The following KCNQ5 variants were observed in gnomAD, a reference collection of about 807,000 sequenced individuals.
KCNQ5 encodes potassium voltage-gated channel subfamily KQT member 5.
KCNQ5 carries 30 observed loss-of-function variants against 98.2 expected under a neutral mutation model. The ratio of observed to expected loss-of-function variants is 0.31; its 90% CI spans 0.23 to 0.41. The LOEUF (loss-of-function observed/expected upper bound fraction) is 0.41, where lower values mean the gene tolerates loss of function less well. KCNQ5 is among the 10% of genes least tolerant of loss of function. KCNQ5 has a pLI of 1.00. For synonymous variants in KCNQ5, 458 were observed against 449.4 expected (o/e 1.02, Z -0.24); for missense variants, 835 against 1,182.5 (o/e 0.71, Z 4.31).
chr6:73,130,540 T>A (rs894760806), intron 9 of KCNQ5, among the ~76,000 whole-genome samples: 6 of 152,202 alleles, frequency 3.9e-5, no homozygotes, highest in Non-Finnish European at 7.3e-5. Context: ...TCCTTGGCAT[T>A]CTTCCTAAAA....
At chr6:72,856,445 TACACACACACACACACACACATATATAC>T (rs1481234474) in intron 1 of KCNQ5, among the ~76,000 whole-genome samples, 1 of 129,732 alleles carries the variant, frequency 7.7e-6, no homozygotes, top group Non-Finnish European at 1.6e-5. Context: ...TATGTATACA[TACACACACACACACACACACATATATAC>T]ACACACACAC....
At chr6:72,775,183 T>G (rs1467503604) in intron 1 of KCNQ5, among the ~76,000 whole-genome samples, 1 of 152,156 alleles carries the variant, frequency 6.6e-6, no homozygotes, top group Non-Finnish European at 1.5e-5. Context: ...TTACATAATA[T>G]GCATTCATAC....
At chr6:72,777,440 T>G (rs1413218957) in intron 1 of KCNQ5, among the ~76,000 whole-genome samples, 2 of 152,106 alleles carry the variant, frequency 1.3e-5, no homozygotes, top group Non-Finnish European at 2.9e-5. Flanking sequence ...TTGAAGGTGT[T>G]GGCCGAGGAG....
At chr6:72,931,683 C>T (rs1179617782) in intron 1 of KCNQ5, among the ~76,000 whole-genome samples, 1 of 152,088 alleles carries the variant, frequency 6.6e-6, no homozygotes, top group Non-Finnish European at 1.5e-5. Flanking sequence ...GAAGTGGAAG[C>T]GAAGTGAGGC....
At chr6:72,825,628 C>G (rs567560164) in intron 1 of KCNQ5, among the ~76,000 whole-genome samples, 4 of 152,232 alleles carry the variant, frequency 2.6e-5, no homozygotes, top group African/African-American at 9.6e-5. Flanking sequence ...TAGGTGGGAC[C>G]TATACTATGC....
intron 1 of KCNQ5, among the ~76,000 whole-genome samples, chr6:72,867,443 A>G (rs552601610): frequency 6.6e-6 from 1 of 152,356 alleles, no homozygotes; most frequent in East Asian, 1.9e-4. Context: ...CACATTGGTG[A>G]AACCAACCTG....
intron 1 of KCNQ5, among the ~76,000 whole-genome samples, chr6:72,726,303 C>G (rs1157967330): frequency 1.3e-5 from 2 of 151,376 alleles, no homozygotes; most frequent in Admixed American, 6.6e-5. Flanking sequence ...CTCCACCTCC[C>G]GGGTTCAAGA....
chr6:72,870,665 T>G (rs1465642856), intron 1 of KCNQ5, among the ~76,000 whole-genome samples: 1 of 152,224 alleles, frequency 6.6e-6, no homozygotes, highest in East Asian at 1.9e-4. Flanking sequence ...AAGCCACTCA[T>G]TTTTTAAACT....
At chr6:73,174,330 A>C (rs889264783) in intron 11 of KCNQ5, among the ~76,000 whole-genome samples, 1 of 152,188 alleles carries the variant, frequency 6.6e-6, no homozygotes, top group South Asian at 2.1e-4. Flanking sequence ...GAATCAAAAT[A>C]CTGTGAAACC....
At chr6:72,912,864 A>G (rs1779995378) in intron 1 of KCNQ5, among the ~76,000 whole-genome samples, 1 of 152,154 alleles carries the variant, frequency 6.6e-6, no homozygotes, top group Non-Finnish European at 1.5e-5. Flanking sequence ...TACTTGGAAG[A>G]CTTTATTAAC....
At position 72,905,802 on chromosome 6, in the gene KCNQ5, AG is replaced by A. The variant is rs551496325; in HGVS notation, c.399-98100del. Among the ~76,000 whole-genome samples, 398 of 152,214 alleles carry A rather than the reference AG, an allele frequency of 2.6e-3. 2 individuals are homozygous for A. Among genetic ancestry groups the A allele is most frequent in the African/African-American group, 9.0e-3 (374 of 41,520 alleles). On this transcript the variant is annotated intron_variant, in intron 1 of 13. Transcript: ENST00000370398. The stretch of plus-strand genomic sequence containing the variant: ...CAGCACCTGTTCCAGTAGAGGTGTC[AG>A]GGGGGTGAAATGGACTCTATGCTCG...
chr6:72,670,299 C>G (rs746364448), intron 1 of KCNQ5, among the ~76,000 whole-genome samples: 6 of 152,182 alleles, frequency 3.9e-5, no homozygotes, highest in African/African-American at 7.2e-5. Context: ...AGCCTTCTCT[C>G]CAGCTCTCCT....
In KCNQ5 at chr6:72,998,501, C is replaced by T. The variant is rs189928238; in HGVS notation, c.399-5407C>T. On this transcript the variant is annotated intron_variant, in intron 1 of 13. Coordinates refer to ENST00000370398, the MANE Select transcript of KCNQ5 (RefSeq NM_019842.4). ...CTGTAATTCCAGCACTTTGGGAGGCCGATGCGGGCGGATTATGAGGTCAGG... is the reference window on the plus strand; with the variant it reads ...CTGTAATTCCAGCACTTTGGGAGGCTGATGCGGGCGGATTATGAGGTCAGG... Among the ~76,000 whole-genome samples, 17 of 152,070 alleles carry T rather than the reference C, an allele frequency of 1.1e-4. No homozygotes were observed. The East Asian group carries it at 2.5e-3, about 22-fold the overall frequency.
chr6:73,124,598 G>A (rs373373571), intron 9 of KCNQ5, 86 bp downstream of exon 9: 10 of 1,175,368 alleles, frequency 8.5e-6, no homozygotes, highest in East Asian at 2.3e-5. Flanking sequence ...GAGTAAAATC[G>A]ATCAACAAAT....
At chr6:73,112,911 A>G (rs1193054189) in intron 7 of KCNQ5, among the ~76,000 whole-genome samples, 2 of 152,126 alleles carry the variant, frequency 1.3e-5, no homozygotes, top group Non-Finnish European at 2.9e-5. Flanking sequence ...ATCAGGCATG[A>G]CTTCCAGTGC....
intron 1 of KCNQ5, among the ~76,000 whole-genome samples, chr6:72,734,764 T>C (rs930435126): frequency 1.3e-5 from 2 of 152,226 alleles, no homozygotes; most frequent in Non-Finnish European, 2.9e-5. Context: ...GGTTCTGTCA[T>C]ATAATTTTAG....
chr6:72,906,726 T>A (rs1779713923), intron 1 of KCNQ5, among the ~76,000 whole-genome samples: 1 of 152,174 alleles, frequency 6.6e-6, no homozygotes, highest in Non-Finnish European at 1.5e-5. Context: ...ACTTCCACAT[T>A]TGGGCACACA....
chr6:73,169,666 ATT>A, intron 10 of KCNQ5, 78 bp from the exon 11 acceptor site: 1 of 1,009,648 alleles, frequency 9.9e-7, no homozygotes, highest in South Asian at 1.3e-5. Context: ...GTATCCCGCC[ATT>A]TCCACGTGAG....
chr6:72,686,583 T>G (rs1392396638), intron 1 of KCNQ5, among the ~76,000 whole-genome samples: 1 of 152,170 alleles, frequency 6.6e-6, no homozygotes, highest in Non-Finnish European at 1.5e-5. Context: ...CAGTTTGTCT[T>G]GTGTCTTGAC....
Sources: gnomAD v4.1 joint callset for allele counts (sites outside exome capture counted in the v4.1 genomes callset) on GRCh38, gnomAD v4.1.1 for gene constraint, MANE v1.5 for transcripts, NCBI Gene and HGNC (gene_info 2026-07-23, HGNC 2026-07-21) for gene names.